Variants in ABHD12B observed in about 807,000 individuals in gnomAD.
The protein encoded by ABHD12B is protein ABHD12B.
ABHD12B carries 42 observed loss-of-function variants against 50.4 expected under a neutral mutation model. The observed-to-expected ratio is 0.83, with a 90% CI of 0.65 to 1.08. The LOEUF (loss-of-function observed/expected upper bound fraction) is 1.08, where lower values mean the gene tolerates loss of function less well. ABHD12B is among the 50% of genes least tolerant of loss of function. The pLI, the probability that ABHD12B is intolerant of heterozygous loss-of-function variation, is 0.00. For synonymous variants in ABHD12B, 167 were observed against 160.3 expected, an observed-to-expected ratio of 1.04 and a Z score of -0.32; for missense variants, 479 against 447.7, an observed-to-expected ratio of 1.07 and a Z score of -0.63.
At position 50,904,340 on chromosome 14, in the gene ABHD12B, G is replaced by T; in HGVS notation, c.1063G>T (p.Asp355Tyr). Reference protein sequence around the residue: ...KSPTLLITVRDFLSKQWS With the variant: ...KSPTLLITVRYFLSKQWS ...CTGATCTGGGTCCTTTTTCTACAGA[G>T]ATTTCCTGAGCAAGCAGTGGTCATG... The change falls in exon 13 of 13, where the codon GAT (aspartate) becomes TAT (tyrosine). Residue 355 changes from aspartate (D) to tyrosine (Y), a missense_variant and splice_region_variant. Coordinates refer to ENST00000337334, the MANE Select transcript of ABHD12B (RefSeq NM_001206673.2). 3 of 1,613,860 alleles carry T rather than the reference G, an allele frequency of 1.9e-6. No homozygotes were observed. Among genetic ancestry groups the T allele is most frequent in the Middle Eastern group, 1.7e-4 (1 of 6,058 alleles).
chr14:50,897,573 TA>T (rs1331148683), intron 9 of ABHD12B, among the ~76,000 whole-genome samples: 5 of 152,242 alleles, frequency 3.3e-5, no homozygotes, highest in Admixed American at 2.6e-4. Context: ...GGTATAAAGT[TA>T]ACAGGGATTT....
rs1371230368 is a variant in ABHD12B, at chr14:50,881,922, GAGAGGTT to G, written c.486+297_486+303del. 4.0e-5 allele frequency among the ~76,000 whole-genome samples: 6 copies of G among 151,850 alleles called. 1 individual carries two copies. Among genetic ancestry groups the G allele is most frequent in the African/African-American group, 1.4e-4 (6 of 41,408 alleles). On this transcript the variant is annotated intron_variant, in intron 5 of 12. Coordinates refer to ENST00000337334, the MANE Select transcript of ABHD12B (RefSeq NM_001206673.2). ...CTCTGAGGGCTGGGGGATGGGTTGA[GAGAGGTT>G]TTTTTTGTTGTCGTTGTTGTGGTTG...
intron 1 of ABHD12B, among the ~76,000 whole-genome samples, chr14:50,877,569 C>A (rs2049879547): frequency 6.6e-6 from 1 of 152,094 alleles, no homozygotes; most frequent in South Asian, 2.1e-4. Flanking sequence ...AATTCCTTGT[C>A]ATTGTGTAAA....
At chr14:50,890,465 C>T (rs904169344) in intron 9 of ABHD12B, among the ~76,000 whole-genome samples, 79 of 152,256 alleles carry the variant, frequency 5.2e-4, no homozygotes, top group African/African-American at 1.8e-3. Context: ...ATGAATTTTA[C>T]GGTAATCATG....
In ABHD12B at chr14:50,885,863, C is replaced by A. The variant is rs138815028; in HGVS notation, c.630C>A (p.Pro210=). ...EWTKARSGIT[P]VCLWGHSLGT... ...CCAAGGCAAGAAGTGGCATCACTCCCGTGTGTCTCTGGGGCCACTCTCTGG... is the reference window on the plus strand; with the variant it reads ...CCAAGGCAAGAAGTGGCATCACTCCAGTGTGTCTCTGGGGCCACTCTCTGG... The change falls in exon 7 of 13, where the codon CCC becomes CCA. Residue 210 remains proline (P), a synonymous_variant. Transcript: ENST00000337334. 4 of 1,613,962 alleles carry A rather than the reference C, an allele frequency of 2.5e-6. No individual in the cohort carries two copies. The African/African-American group carries it at 5.3e-5, about 22-fold the overall frequency.
intron 5 of ABHD12B, 54 bp downstream of exon 5, chr14:50,881,680 A>C: frequency 6.2e-7 from 1 of 1,605,754 alleles, no homozygotes; most frequent in Non-Finnish European, 8.5e-7. Flanking sequence ...TTGATATGTC[A>C]TAAGATTTTC....
chr14:50,888,945 A>G, intron 9 of ABHD12B, 42 bp downstream of exon 9: 1 of 1,533,872 alleles, frequency 6.5e-7, no homozygotes, highest in South Asian at 1.1e-5. Context: ...AAAGTAGGCT[A>G]TTTTGATACA....
intron 2 of ABHD12B, 103 bp from the exon 3 acceptor site, chr14:50,878,642 A>C (rs1596000431): frequency 5.5e-6 from 5 of 903,480 alleles, no homozygotes; most frequent in Non-Finnish European, 8.6e-6. Flanking sequence ...GTAGCTTGCA[A>C]CTTAGAAGCC....
chr14:50,878,715 T>C (rs2049896418), intron 2 of ABHD12B, 30 bp from the exon 3 acceptor site: 1 of 1,562,064 alleles, frequency 6.4e-7, no homozygotes, highest in South Asian at 1.1e-5. Flanking sequence ...AATTTGATTC[T>C]TGAAGTTGAT....
At chr14:50,886,440 CA>C (rs534954967) in intron 7 of ABHD12B, among the ~76,000 whole-genome samples, 7,155 of 62,978 alleles carry the variant, frequency 0.11, 171 homozygotes, top group Admixed American at 0.18. Context: ...GCTCTGTCTC[CA>C]AAAAAAAAAA....
In ABHD12B at chr14:50,878,816, A is replaced by G; in HGVS notation, c.304A>G (p.Arg102Gly). 1 of 1,613,952 alleles carries G rather than the reference A, an allele frequency of 6.2e-7. No individual in the cohort carries two copies. The highest frequency in any genetic ancestry group is 8.5e-7 in the Non-Finnish European group (1 of 1,179,882). The change falls in exon 3 of 13, where the codon AGA (arginine) becomes GGA (glycine). Residue 102 changes from arginine to glycine, a missense_variant. Coordinates refer to ENST00000337334, the MANE Select transcript of ABHD12B (RefSeq NM_001206673.2). ...TCCTCACACAGTGAACTTCTACCTG[A>G]GAGTTGAACCTGGGGTGATGCTAGG... Reference protein sequence around the residue: ...KIPHTVNFYLRVEPGVMLGIW... With the variant: ...KIPHTVNFYLGVEPGVMLGIW...
chr14:50,874,740 G>T (rs1429760729), intron 1 of ABHD12B, among the ~76,000 whole-genome samples: 1 of 152,188 alleles, frequency 6.6e-6, no homozygotes, highest in Non-Finnish European at 1.5e-5. Flanking sequence ...CAGAAAATGT[G>T]CAGGAGTAGG....
At position 50,904,707 on chromosome 14, in the gene ABHD12B, GC is replaced by G. The variant is rs537673905; in HGVS notation, c.*348del. 8.2e-6 allele frequency: 3 copies of G among 367,834 alleles called. No homozygotes were observed. The highest frequency in any genetic ancestry group is 1.5e-5 in the Non-Finnish European group (3 of 197,224). The allele number at this position is 367,834 out of a possible 1,614,324, so 22.8% of individuals were successfully genotyped here. A position where few individuals can be genotyped will look rare whatever the true frequency, so the allele number is the denominator to read the frequency against. On this transcript the variant is annotated 3_prime_UTR_variant, in exon 13 of 13. Coordinates refer to ENST00000337334, the MANE Select transcript of ABHD12B (RefSeq NM_001206673.2). ...TGCTATGGTCCGAATATCTGGGCCT[GC>G]CCCCCCAAATTATGCTGAAACCTAA...
Position 50,878,026 on chromosome 14 carries a change from T to C in ABHD12B, c.179T>C (p.Leu60Ser), listed in dbSNP as rs1412874345. ...ALYDSFTSKS[L>S]KEHVFLPLID... The stretch of plus-strand genomic sequence containing the variant: ...TATGACAGCTTTACTAGTAAATCCT[T>C]AAAAGAACACGTTTTCCTTCCTCTG... Residue 60 changes from leucine to serine, a missense_variant, in exon 2 of 13, where the codon TTA becomes TCA. Leu to Ser is a moderately radical substitution (Grantham distance 145). Transcript: ENST00000337334. 2.0e-6 allele frequency: 3 copies of C among 1,535,082 alleles called. No individual in the cohort carries two copies. The highest frequency in any genetic ancestry group is 2.6e-6 in the Non-Finnish European group (3 of 1,146,502).
At chr14:50,893,016 G>T (rs1402462582) in intron 9 of ABHD12B, 2 of 152,134 alleles carry the variant, frequency 1.3e-5, no homozygotes, top group East Asian at 3.8e-4. Flanking sequence ...TTAGTCTTTT[G>T]AAATTTGTTG....
chr14:50,888,836 A>C lies in ABHD12B; in HGVS notation c.713A>C (p.Asp238Ala). The change falls in exon 9 of 13, where the codon GAT (aspartate) becomes GCT (alanine). Residue 238 changes from aspartate to alanine, a missense_variant. Coordinates refer to ENST00000337334, the MANE Select transcript of ABHD12B (RefSeq NM_001206673.2). ...KVLEEKGCPVDAIVLEAPFTN... is the reference protein window; with the variant it reads ...KVLEEKGCPVAAIVLEAPFTN... The stretch of plus-strand genomic sequence containing the variant: ...CTTTCATTTCAAGGATGCCCAGTTG[A>C]TGCTATTGTCTTGGAAGCTCCATTT... 18 of 1,613,892 alleles carry C rather than the reference A, an allele frequency of 1.1e-5. No individual in the cohort carries two copies. Among genetic ancestry groups the C allele is most frequent in the Non-Finnish European group, 1.5e-5 (18 of 1,179,938 alleles).
chr14:50,893,640 C>T (rs60812286), intron 9 of ABHD12B: 8,328 of 158,836 alleles, frequency 0.052, 741 homozygotes, highest in African/African-American at 0.19. Context: ...GATCGGGGGA[C>T]CTCCCTTGGG....
Position 50,894,947 on chromosome 14 carries a change from T to C in ABHD12B, c.780+6044T>C, listed in dbSNP as rs187813127. Reference sequence around the variant, plus strand: ...CGCCTCCCCTCCTCACACCTGGTCCTGCTTACAGTTTCGTTCCGTGACTAG... The same window carrying C: ...CGCCTCCCCTCCTCACACCTGGTCCCGCTTACAGTTTCGTTCCGTGACTAG... On this transcript the variant is annotated intron_variant, in intron 9 of 12. Coordinates refer to ENST00000337334, the MANE Select transcript of ABHD12B (RefSeq NM_001206673.2). 1.8e-3 allele frequency among the ~76,000 whole-genome samples: 249 copies of C among 140,246 alleles called. 4 individuals carry two copies. The highest frequency in any genetic ancestry group is 2.3e-3 in the Non-Finnish European group (151 of 67,050). The allele number at this position is 140,246 out of a possible 152,430, so 92.0% of individuals were successfully genotyped here.
intron 9 of ABHD12B, 42 bp from the exon 10 acceptor site, chr14:50,901,787 C>T: frequency 7.5e-7 from 1 of 1,334,192 alleles, no homozygotes; most frequent in South Asian, 1.4e-5. Context: ...GATGGCATAG[C>T]TATGGGGCAA....
Sources: allele counts gnomAD v4.1 joint callset (sites outside exome capture counted in the v4.1 genomes callset), GRCh38; gene constraint gnomAD v4.1.1; transcripts MANE v1.5; gene names NCBI Gene and HGNC (gene_info 2026-07-23, HGNC 2026-07-21).